The following GCNT2 variants were observed in gnomAD, a reference collection of about 807,000 sequenced individuals.
The protein encoded by GCNT2 is glucosaminyl (N-acetyl) transferase 2 (I blood group), also known as N-acetyllactosaminide beta-1,6-N-acetylglucosaminyl-transferase.
A neutral mutation model predicts 34.2 loss-of-function variants in GCNT2; 34 were observed. That is an observed-to-expected ratio of 1.00 (90% CI 0.76 to 1.32). GCNT2 has a LOEUF of 1.32. Among genes scored for constraint, GCNT2 ranks in the 40% most tolerant of loss-of-function variants. The pLI is 0.00. For synonymous variants in GCNT2, 212 were observed against 188.0 expected, an observed-to-expected ratio of 1.13 and a Z score of -1.04; for missense variants, 584 against 489.4, an observed-to-expected ratio of 1.19 and a Z score of -1.82.
chr6:10,575,894 G>A (rs1303241814), intron 3 of GCNT2, among the ~76,000 whole-genome samples: 1 of 151,784 alleles, frequency 6.6e-6, no homozygotes, highest in Non-Finnish European at 1.5e-5. Context: ...CCCTTTGACT[G>A]TAATTTTCCT....
At chr6:10,594,852 C>CTTT (rs34521720) in intron 3 of GCNT2, among the ~76,000 whole-genome samples, 91 of 148,178 alleles carry the variant, frequency 6.1e-4, no homozygotes, top group Non-Finnish European at 7.9e-4. Flanking sequence ...ATACCAGTTC[C>CTTT]TTTTTTTTTT....
Position 10,529,279 on chromosome 6 carries a change from TCTA to T in GCNT2, c.371_373del (p.Tyr124del), listed in dbSNP as rs781340414. 6 of 1,614,026 alleles carry T rather than the reference TCTA, an allele frequency of 3.7e-6. No individual in the cohort carries two copies. Among genetic ancestry groups the T allele is most frequent in the Non-Finnish European group, 5.1e-6 (6 of 1,180,010 alleles). ...AGGGCGATTTATATGCCCCAAAATG[TCTA>T]CTGTGTGCACCTGGATCAGAAGGCG... On this transcript the variant is annotated inframe_deletion, in exon 3 of 5. Transcript: ENST00000495262.
At chr6:10,592,557 C>T (rs967204175) in intron 3 of GCNT2, among the ~76,000 whole-genome samples, 5 of 152,246 alleles carry the variant, frequency 3.3e-5, no homozygotes, top group African/African-American at 7.2e-5. Context: ...ATTATGCTGA[C>T]GCTATAGCCA....
chr6:10,538,323 G>A (rs566334222), intron 3 of GCNT2, among the ~76,000 whole-genome samples: 6 of 142,812 alleles, frequency 4.2e-5, no homozygotes, highest in Non-Finnish European at 7.5e-5. Context: ...CAGGAGAATC[G>A]CTTGAACCTG....
intron 3 of GCNT2, among the ~76,000 whole-genome samples, chr6:10,589,794 A>C (rs779933740): frequency 6.6e-6 from 1 of 152,188 alleles, no homozygotes; most frequent in South Asian, 2.1e-4. Context: ...TATGGACTTT[A>C]AGTTCACTAC....
At chr6:10,556,076 T>C (rs1337394052) in intron 3 of GCNT2, 7 of 1,187,142 alleles carry the variant, frequency 5.9e-6, no homozygotes, top group Admixed American at 8.6e-5. Context: ...GAAAGAGATA[T>C]GGGAAACTAA....
chr6:10,523,265 A>G (rs185659339), intron 1 of GCNT2, among the ~76,000 whole-genome samples: 4 of 152,006 alleles, frequency 2.6e-5, no homozygotes, highest in African/African-American at 9.7e-5. Context: ...TACTAAAAAG[A>G]AAATACAAAA....
chr6:10,533,211 C>T (rs1761582006), intron 3 of GCNT2, among the ~76,000 whole-genome samples: 1 of 151,738 alleles, frequency 6.6e-6, no homozygotes, highest in South Asian at 2.1e-4. Flanking sequence ...GAGGCTGAAG[C>T]AGGAGAATCA....
chr6:10,529,665 A>T lies in GCNT2; in HGVS notation c.754A>T (p.Thr252Ser). The T allele has an allele frequency of 6.2e-7, 1 of 1,611,874 alleles. No homozygotes were observed. The highest frequency in any genetic ancestry group is 8.5e-7 in the Non-Finnish European group (1 of 1,179,212). Residue 252 changes from threonine (T) to serine (S), a missense_variant, in exon 3 of 5, where the codon ACT (threonine) becomes TCT (serine). By Grantham distance (58) the Thr-to-Ser change is moderately conservative. Transcript: ENST00000495262. Reference protein sequence around the residue: ...SYVIKTTKLKTPPPHDMVIYF... With the variant: ...SYVIKTTKLKSPPPHDMVIYF... ...CGTGATTAAAACAACAAAATTAAAA[A>T]CTCCTCCTCCTCATGACATGGTGAT... is the stretch of plus-strand genomic sequence containing the variant.
At chr6:10,614,644 A>AAAGAG (rs1214651898) in intron 3 of GCNT2, among the ~76,000 whole-genome samples, 1 of 143,936 alleles carries the variant, frequency 6.9e-6, no homozygotes, top group African/African-American at 2.7e-5. Flanking sequence ...AAAAAAAAAA[A>AAAGAG]AGAGAAAAAG....
intron 3 of GCNT2, among the ~76,000 whole-genome samples, chr6:10,559,647 A>G (rs1429915739): frequency 6.6e-6 from 1 of 152,244 alleles, no homozygotes; most frequent in East Asian, 1.9e-4. Flanking sequence ...CTGCCCATCA[A>G]CTTTGGCAAG....
chr6:10,557,164 G>C, intron 3 of GCNT2: 1 of 1,548,306 alleles, frequency 6.5e-7, no homozygotes, highest in Non-Finnish European at 8.7e-7. Flanking sequence ...GAACAACAGC[G>C]TTGAAACCGC....
chr6:10,589,046 GGTGT>G (rs766765754), intron 3 of GCNT2, among the ~76,000 whole-genome samples: 3 of 140,668 alleles, frequency 2.1e-5, no homozygotes, highest in East Asian at 2.3e-4. Flanking sequence ...GTATGTGTAT[GGTGT>G]GTGTGTGGTG....
chr6:10,545,263 AT>A (rs1244987965), intron 3 of GCNT2, among the ~76,000 whole-genome samples: 4 of 151,446 alleles, frequency 2.6e-5, no homozygotes, highest in Non-Finnish European at 5.9e-5. Context: ...GGCTTTTTCC[AT>A]TTTGCAAGAG....
Position 10,529,259 on chromosome 6 carries a change from G to A in GCNT2, c.348G>A (p.Ala116=), listed in dbSNP as rs747559415. Residue 116 remains alanine, a synonymous_variant, in exon 3 of 5, where the codon GCG becomes GCA. Transcript: ENST00000495262. ...GCACTTTTGAGAGGCTCTTCAGGGCGATTTATATGCCCCAAAATGTCTACT... is the reference window on the plus strand; with the variant it reads ...GCACTTTTGAGAGGCTCTTCAGGGCAATTTATATGCCCCAAAATGTCTACT... ...DFGTFERLFR[A]IYMPQNVYCV... 6.2e-5 allele frequency: 100 copies of A among 1,614,014 alleles called. No homozygotes were observed. The highest frequency in any genetic ancestry group is 8.0e-5 in the Non-Finnish European group (94 of 1,180,000).
At chr6:10,533,800 CAAAAAAAAAAAAAA>C (rs869274003) in intron 3 of GCNT2, among the ~76,000 whole-genome samples, 40 of 43,380 alleles carry the variant, frequency 9.2e-4, no homozygotes, top group African/African-American at 3.5e-3. Flanking sequence ...GACTCTGTCT[CAAAAAAAAAAAAAA>C]AAAAAAAAAA....
At chr6:10,556,571 TC>T (rs1347967084) in intron 3 of GCNT2, 5 of 1,614,054 alleles carry the variant, frequency 3.1e-6, no homozygotes, top group Non-Finnish European at 3.4e-6. Context: ...AGTTTGCACA[TC>T]TTTTATCAAT....
intron 3 of GCNT2, among the ~76,000 whole-genome samples, chr6:10,614,140 A>G (rs774253694): frequency 3.9e-5 from 6 of 152,174 alleles, no homozygotes; most frequent in Non-Finnish European, 8.8e-5. Context: ...TAAGCTTGCC[A>G]TTATCTCCTC....
intron 1 of GCNT2, among the ~76,000 whole-genome samples, chr6:10,523,678 C>G (rs1761035488): frequency 6.6e-6 from 1 of 151,824 alleles, no homozygotes; most frequent in Non-Finnish European, 1.5e-5. Flanking sequence ...TGACTCTAGA[C>G]TTGAAAAACC....
Sources: gnomAD v4.1 joint callset for allele counts (sites outside exome capture counted in the v4.1 genomes callset) on GRCh38, gnomAD v4.1.1 for gene constraint, MANE v1.5 for transcripts, NCBI Gene and HGNC (gene_info 2026-07-23, HGNC 2026-07-21) for gene names.